The following FAM163B variants were observed in gnomAD, a reference collection of about 807,000 sequenced individuals.
FAM163B encodes the protein family with sequence similarity 163 member B.
In FAM163B, 4 loss-of-function variants were observed where a neutral mutation model predicts 7.6. That is an observed-to-expected ratio of 0.52 (90% confidence interval 0.26 to 1.20). The LOEUF is 1.20. Among genes scored for constraint, FAM163B ranks in the 50% most tolerant of loss-of-function variants. The probability of loss-of-function intolerance (pLI) is 0.14; values close to 1 mark genes in which losing one functional copy is unlikely to be tolerated. For synonymous variants in FAM163B, 120 were observed against 111.6 expected (o/e 1.07, Z -0.47); for missense variants, 250 against 243.0 (o/e 1.03, Z -0.19).
chr9:133,579,716 C>T (rs1831325299), intron 2 of FAM163B, among the ~76,000 whole-genome samples: 1 of 152,182 alleles, frequency 6.6e-6, no homozygotes, highest in Admixed American at 6.5e-5. Flanking sequence ...TGGAGGGGTT[C>T]GCAGCCCCAC....
chr9:133,606,979 C>T lies in FAM163B; in HGVS notation c.-24+2098G>A, dbSNP rs1831797665. On this transcript the variant is annotated intron_variant, in intron 1 of 2. Coordinates refer to ENST00000673969, the MANE Select transcript of FAM163B (RefSeq NM_001080515.3). This position sits in a 1 kb window ranked among gnomAD's most constrained non-coding sequence, Gnocchi z 4.0. ...CACCAGAAAAGTCAGGAATATAGAG[C>T]CAGCCCCTAAATATACAAAACGGGG... 6.6e-6 allele frequency among the ~76,000 whole-genome samples: 1 copy of T among 152,186 alleles called. No homozygotes were observed. The highest frequency in any genetic ancestry group is 2.4e-5 in the African/African-American group (1 of 41,428).
At position 133,579,005 on chromosome 9, in the gene FAM163B, C is replaced by A. The variant is rs1831298996; in HGVS notation, c.*17G>T. 2.7e-6 allele frequency: 4 copies of A among 1,485,458 alleles called. No individual in the cohort carries two copies. In the East Asian group the frequency reaches 9.8e-5, roughly 36 times the overall value. 92.0% of individuals were successfully genotyped at this position (1,485,458 alleles called of 1,614,324 possible). A position where few individuals can be genotyped will look rare whatever the true frequency, so the allele number is the denominator to read the frequency against. ...TCTCAGGACCTTCAAGGCCAGGATC[C>A]CGGGGGCGGGCCCAGGTCACACGTC... On this transcript the variant is annotated 3_prime_UTR_variant, in exon 3 of 3. Transcript: ENST00000673969.
intron 1 of FAM163B, among the ~76,000 whole-genome samples, chr9:133,585,613 G>A (rs1013882853): frequency 1.3e-5 from 2 of 152,230 alleles, no homozygotes; most frequent in Non-Finnish European, 2.9e-5. Context: ...GGCACTGGCC[G>A]TGCCCTCTGG....
At chr9:133,588,945 C>T (rs1385041313) in intron 1 of FAM163B, among the ~76,000 whole-genome samples, 1 of 152,028 alleles carries the variant, frequency 6.6e-6, no homozygotes, top group Non-Finnish European at 1.5e-5. Flanking sequence ...CTGACCACCT[C>T]GTGGTCTGAA....
chr9:133,587,962 C>CGAACGGGGGG (rs1831466414), intron 1 of FAM163B, among the ~76,000 whole-genome samples: 4 of 148,524 alleles, frequency 2.7e-5, no homozygotes, highest in African/African-American at 1.0e-4. Flanking sequence ...CGAACGGGGG[C>CGAACGGGGGG]GCGAACGGGG....
Position 133,579,127 on chromosome 9 carries a change from C to T in FAM163B, c.396G>A (p.Glu132=), listed in dbSNP as rs1831305297. Residue 132 remains glutamate, a synonymous_variant, in exon 3 of 3, where the codon GAG becomes GAA. Coordinates refer to ENST00000673969, the MANE Select transcript of FAM163B (RefSeq NM_001080515.3). The part of the protein sequence containing the change: ...LYKSVSQEDV[E]LPPGGFGGLQ... The stretch of plus-strand genomic sequence containing the variant: ...GGCCCCCGAAGCCCCCCGGGGGCAG[C>T]TCCACGTCCTCCTGGCTCACGCTCT... 6.2e-7 allele frequency: 1 copy of T among 1,608,524 alleles called. No homozygotes were observed. Among genetic ancestry groups the T allele is most frequent in the Admixed American group, 1.7e-5 (1 of 59,956 alleles).
At chr9:133,590,656 G>A (rs954533263) in intron 1 of FAM163B, among the ~76,000 whole-genome samples, 2 of 152,184 alleles carry the variant, frequency 1.3e-5, no homozygotes, top group South Asian at 2.1e-4. Context: ...ACAGGAGCAG[G>A]TGGACTCTCT....
chr9:133,589,737 C>T (rs1165230876), intron 1 of FAM163B, among the ~76,000 whole-genome samples: 2 of 152,182 alleles, frequency 1.3e-5, no homozygotes, highest in Admixed American at 1.3e-4. Flanking sequence ...TCGTGACCCC[C>T]ACCCTCACCT....
At position 133,577,583 on chromosome 9, in the gene FAM163B, C is replaced by G. The variant is rs1831272505; in HGVS notation, c.*1439G>C. On this transcript the variant is annotated 3_prime_UTR_variant, in exon 3 of 3. Transcript: ENST00000673969. ...CCGCTCAGGGAAGGTCACTGCCCGGCCAAGCCTTGTCTTTGAGGGCGGTGC... is the reference window on the plus strand; with the variant it reads ...CCGCTCAGGGAAGGTCACTGCCCGGGCAAGCCTTGTCTTTGAGGGCGGTGC... Among the ~76,000 whole-genome samples, 2 of 152,258 alleles carry G rather than the reference C, an allele frequency of 1.3e-5. No homozygotes were observed.
chr9:133,600,158 A>G lies in FAM163B; in HGVS notation c.-24+8919T>C, dbSNP rs1831699292. 7.1e-6 allele frequency among the ~76,000 whole-genome samples: 1 copy of G among 141,636 alleles called. No homozygotes were observed. The highest frequency in any genetic ancestry group is 2.7e-5 in the African/African-American group (1 of 37,458). The allele number at this position is 141,636 out of a possible 152,430, so 92.9% of individuals were successfully genotyped here. A position where few individuals can be genotyped will look rare whatever the true frequency, so the allele number is the denominator to read the frequency against. Reference sequence around the variant, plus strand: ...TGTGCGTGTGTGAATGTATGTGTGCATGAGTGTGAGTCTGTGTGCATGTGT... The same window carrying G: ...TGTGCGTGTGTGAATGTATGTGTGCGTGAGTGTGAGTCTGTGTGCATGTGT... On this transcript the variant is annotated intron_variant, in intron 1 of 2. Transcript: ENST00000673969. The surrounding 1 kb of genome is among the most constrained non-coding windows in gnomAD (Gnocchi z 4.9).
rs1166910077 is a variant in FAM163B, at chr9:133,577,938, G to A, written c.*1084C>T. Among the ~76,000 whole-genome samples the A allele has an allele frequency of 9.2e-5, 14 of 152,314 alleles. No homozygotes were observed. Among genetic ancestry groups the A allele is most frequent in the Admixed American group, 3.9e-4 (6 of 15,304 alleles). ...GCAGCAGTAGGCTCTGGCTGCTTGG[G>A]GTCCACCAGGAGCTGGGCCAGGCCT... On this transcript the variant is annotated 3_prime_UTR_variant, in exon 3 of 3. Coordinates refer to ENST00000673969, the MANE Select transcript of FAM163B (RefSeq NM_001080515.3).
intron 1 of FAM163B, 94 bp from the exon 2 acceptor site, chr9:133,580,340 G>A (rs1831337763): frequency 3.0e-6 from 3 of 989,644 alleles, no homozygotes; most frequent in East Asian, 5.2e-5. Context: ...AAGCTGAGGG[G>A]AAAAAAGCAC....
Position 133,606,277 on chromosome 9 carries a change from G to C in FAM163B, c.-24+2800C>G, listed in dbSNP as rs1409915969. ...TCCTTCCCCTCTCCAGCAACCCCCA[G>C]CAAGCGGGGATTGGGCCAAGGCCTG... On this transcript the variant is annotated intron_variant, in intron 1 of 2. Coordinates refer to ENST00000673969, the MANE Select transcript of FAM163B (RefSeq NM_001080515.3). This position sits in a 1 kb window ranked among gnomAD's most constrained non-coding sequence, Gnocchi z 4.0. Among the ~76,000 whole-genome samples the C allele has an allele frequency of 6.6e-6, 1 of 152,210 alleles. No individual in the cohort carries two copies. The highest frequency in any genetic ancestry group is 2.4e-5 in the African/African-American group (1 of 41,460).
In FAM163B at chr9:133,582,289, G is replaced by A. The variant is rs896698189; in HGVS notation, c.-23-2043C>T. On this transcript the variant is annotated intron_variant, in intron 1 of 2. Transcript: ENST00000673969. Reference sequence around the variant, plus strand: ...AGCTTGCCTTTCTACGTGGAAACTTGCCCAGTGCAATCTCACTGATTTTTG... The same window carrying A: ...AGCTTGCCTTTCTACGTGGAAACTTACCCAGTGCAATCTCACTGATTTTTG... 8.5e-5 allele frequency among the ~76,000 whole-genome samples: 13 copies of A among 152,318 alleles called. No individual in the cohort carries two copies. In the South Asian group the frequency reaches 1.7e-3, roughly 19 times the overall value.
At chr9:133,592,550 G>A (rs576793688) in intron 1 of FAM163B, among the ~76,000 whole-genome samples, 29 of 152,324 alleles carry the variant, frequency 1.9e-4, no homozygotes, top group African/African-American at 6.7e-4. Context: ...GGGCGAAGGG[G>A]TGGGGAGGCT....
rs2269761 is a variant in FAM163B at position 133,577,602 on chromosome 9, G to A, written c.*1420C>T. Among the ~76,000 whole-genome samples the A allele has an allele frequency of 0.74, 112,431 of 152,234 alleles. 41,730 individuals carry two copies. Among genetic ancestry groups the A allele is most frequent in the Middle Eastern group, 0.87 (253 of 292 alleles). ...GCCCGGCCAAGCCTTGTCTTTGAGG[G>A]CGGTGCCTTCCCTGGGCAGAGAGGG... On this transcript the variant is annotated 3_prime_UTR_variant, in exon 3 of 3. Transcript: ENST00000673969.
chr9:133,590,209 C>CT (rs1831529603), intron 1 of FAM163B, among the ~76,000 whole-genome samples: 2 of 143,302 alleles, frequency 1.4e-5, no homozygotes, highest in Admixed American at 7.1e-5. Context: ...CTTTCCTTTC[C>CT]TTCCCTCTCT....
At chr9:133,594,321 G>A (rs1398232136) in intron 1 of FAM163B, among the ~76,000 whole-genome samples, 1 of 152,144 alleles carries the variant, frequency 6.6e-6, no homozygotes, top group Admixed American at 6.5e-5. Flanking sequence ...GGCCTCACCT[G>A]CACTGCCCCA....
chr9:133,607,390 C>T (rs1158884643), intron 1 of FAM163B, among the ~76,000 whole-genome samples: 4 of 152,214 alleles, frequency 2.6e-5, no homozygotes, highest in Non-Finnish European at 5.9e-5. Flanking sequence ...ACTCCAGCCT[C>T]AAGGGTAGGA....
Sources: allele counts gnomAD v4.1 joint callset (sites outside exome capture counted in the v4.1 genomes callset), GRCh38; gene constraint gnomAD v4.1.1; non-coding constraint Gnocchi (gnomAD v3.1); transcripts MANE v1.5; gene names NCBI Gene and HGNC (gene_info 2026-07-23, HGNC 2026-07-21).